The following ACSS1 variants were observed in gnomAD, a reference collection of about 807,000 sequenced individuals.
ACSS1 encodes the protein acyl-CoA synthetase short chain family member 1.
ACSS1 carries 42 observed loss-of-function variants against 75.3 expected under a neutral mutation model. The ratio of observed to expected loss-of-function variants is 0.56; its 90% confidence interval spans 0.44 to 0.72. The LOEUF is 0.72. ACSS1 is among the 30% of genes least tolerant of loss of function. The probability of loss-of-function intolerance (pLI) is 0.00; values close to 1 mark genes in which losing one functional copy is unlikely to be tolerated. For missense variants in ACSS1, 782 were observed against 935.7 expected, an observed-to-expected ratio of 0.84 and a Z score of 2.14; for synonymous variants, 380 against 376.8, an observed-to-expected ratio of 1.01 and a Z score of -0.10.
At chr20:25,034,427 C>G (rs1302888216) in intron 2 of ACSS1, among the ~76,000 whole-genome samples, 1 of 152,138 alleles carries the variant, frequency 6.6e-6, no homozygotes, top group African/African-American at 2.4e-5. Context: ...AGCTTTTCCT[C>G]CCCAGGTTCT....
At chr20:25,041,646 T>C (rs1165589564) in intron 2 of ACSS1, among the ~76,000 whole-genome samples, 1 of 152,062 alleles carries the variant, frequency 6.6e-6, no homozygotes, top group Admixed American at 6.5e-5. Context: ...CCAGAAACCA[T>C]ACAAAATGTT....
At chr20:25,041,059 C>T (rs1471208951) in intron 2 of ACSS1, among the ~76,000 whole-genome samples, 1 of 152,090 alleles carries the variant, frequency 6.6e-6, no homozygotes, top group Non-Finnish European at 1.5e-5. Context: ...GAGATTGAGA[C>T]CATCCTGGCT....
At chr20:25,056,665 G>C (rs1196992666) in intron 1 of ACSS1, among the ~76,000 whole-genome samples, 2 of 152,192 alleles carry the variant, frequency 1.3e-5, no homozygotes, top group African/African-American at 2.4e-5. Context: ...TGAGGGCTGG[G>C]GGGGCAGAAC....
chr20:25,021,120 C>T (rs753427879), intron 6 of ACSS1, among the ~76,000 whole-genome samples: 37 of 152,174 alleles, frequency 2.4e-4, no homozygotes, highest in Admixed American at 1.3e-3. Flanking sequence ...GGCCTGAGGC[C>T]GGCAGTTTAA....
At chr20:25,048,280 C>T in intron 1 of ACSS1, 99 bp from the exon 2 acceptor site, 1 of 939,320 alleles carries the variant, frequency 1.1e-6, no homozygotes, top group Non-Finnish European at 1.6e-6. Context: ...TGCTGTGGCT[C>T]TCTCTTCTTC....
In ACSS1 at chr20:25,006,658, G is replaced by A. The variant is rs528552994; in HGVS notation, c.*1104C>T. 1.8e-5 allele frequency: 13 copies of A among 734,254 alleles called. No homozygotes were observed. In the African/African-American group the frequency reaches 2.1e-4, roughly 12 times the overall value. 45.5% of individuals were successfully genotyped at this position (734,254 alleles called of 1,614,324 possible). On this transcript the variant is annotated 3_prime_UTR_variant, in exon 14 of 14. Transcript: ENST00000323482. ...CTTCCCCTGCCAACCGCCAGCCCCT[G>A]CATGCCTAGCAGGGAGGTAAGCACC...
chr20:25,055,592 A>G (rs1265376398), intron 1 of ACSS1, among the ~76,000 whole-genome samples: 1 of 152,220 alleles, frequency 6.6e-6, no homozygotes, highest in Non-Finnish European at 1.5e-5. Context: ...TTATAAACAC[A>G]GGTGTCAGGT....
At chr20:25,038,999 C>T (rs1600338418) in intron 2 of ACSS1, among the ~76,000 whole-genome samples, 1 of 152,308 alleles carries the variant, frequency 6.6e-6, no homozygotes, top group Non-Finnish European at 1.5e-5. Context: ...CCTCCCCTGC[C>T]CCTCCTCCCA....
intron 2 of ACSS1, among the ~76,000 whole-genome samples, chr20:25,036,530 AT>A (rs1435317538): frequency 2.7e-5 from 4 of 150,866 alleles, no homozygotes; most frequent in Non-Finnish European, 5.9e-5. Context: ...ACTGGTATTT[AT>A]TTTTTCATCT....
chr20:25,026,376 C>G (rs576532554), intron 3 of ACSS1, among the ~76,000 whole-genome samples: 3 of 152,336 alleles, frequency 2.0e-5, no homozygotes, highest in Non-Finnish European at 4.4e-5. Flanking sequence ...CTGTGCCAGC[C>G]TGGACTGTAG....
At chr20:25,031,088 G>C in intron 2 of ACSS1, 130 bp from the exon 3 acceptor site, 1 of 906,506 alleles carries the variant, frequency 1.1e-6, no homozygotes, top group East Asian at 2.6e-5. Flanking sequence ...ACAGGCACTT[G>C]AATACTTAAT....
chr20:25,033,697 C>T (rs765055331), intron 2 of ACSS1, among the ~76,000 whole-genome samples: 5 of 152,194 alleles, frequency 3.3e-5, no homozygotes, highest in Admixed American at 6.5e-5. Context: ...AGCACAGCTC[C>T]GATGAGGAAA....
intron 7 of ACSS1, 68 bp from the exon 8 acceptor site, chr20:25,015,298 T>G (rs1273713526): frequency 7.6e-7 from 1 of 1,315,852 alleles, no homozygotes; most frequent in African/African-American, 1.5e-5. Context: ...AGGGAAGTTT[T>G]GTTTTTTGTT....
Position 25,009,317 on chromosome 20 carries a change from T to C in ACSS1, c.1843A>G (p.Met615Val), listed in dbSNP as rs139054129. The C allele has an allele frequency of 3.7e-6, 6 of 1,614,114 alleles. No individual in the cohort carries two copies. In the African/African-American group the frequency reaches 8.0e-5, roughly 22 times the overall value. The change falls in exon 13 of 14, where the codon ATG becomes GTG. Residue 615 changes from methionine (M) to valine (V), a missense_variant. By Grantham distance (21) the Met-to-Val change is conservative. Coordinates refer to ENST00000323482, the MANE Select transcript of ACSS1 (RefSeq NM_032501.4). ...TATTTGGCGATCTTGGTGGCCACCA[T>C]GGACTTGAGCTCCTGCACCACCACA... ...SDVVVQELKS[M>V]VATKIAKYAV...
chr20:25,026,226 C>A (rs2088715069), intron 3 of ACSS1, among the ~76,000 whole-genome samples: 1 of 152,210 alleles, frequency 6.6e-6, no homozygotes, highest in Non-Finnish European at 1.5e-5. Flanking sequence ...ATACACCCAC[C>A]TCCCAGTGGC....
chr20:25,019,577 G>C (rs1159476379), intron 7 of ACSS1, among the ~76,000 whole-genome samples: 1 of 152,148 alleles, frequency 6.6e-6, no homozygotes, highest in African/African-American at 2.4e-5. Context: ...GGAGCGCAGT[G>C]GTGCAATCCT....
intron 2 of ACSS1, among the ~76,000 whole-genome samples, chr20:25,036,393 G>A (rs549853559): frequency 6.6e-6 from 1 of 152,236 alleles, no homozygotes; most frequent in East Asian, 1.9e-4. Flanking sequence ...TGACCAACAC[G>A]ATAACTGCCT....
At position 25,058,033 on chromosome 20, in the gene ACSS1, G is replaced by T; in HGVS notation, c.70C>A (p.Pro24Thr). ...LGSLRGLSGQPARPPCGVSAP... is the reference protein window; with the variant it reads ...LGSLRGLSGQTARPPCGVSAP... ...CTCACCCCGCACGGCGGCCGCGCGGGCTGCCCCGAGAGCCCTCGCAGGCTG... is the reference window on the plus strand; with the variant it reads ...CTCACCCCGCACGGCGGCCGCGCGGTCTGCCCCGAGAGCCCTCGCAGGCTG... Residue 24 changes from proline to threonine, a missense_variant, in exon 1 of 14, where the codon CCC becomes ACC. By Grantham distance (38) the Pro-to-Thr change is conservative. Around this residue, in one of 2 missense-constraint regions of ACSS1, gnomAD observed 377 missense variants for 383.1 expected, o/e 0.98. Coordinates refer to ENST00000323482, the MANE Select transcript of ACSS1 (RefSeq NM_032501.4). 1.5e-6 allele frequency: 2 copies of T among 1,372,870 alleles called. No individual in the cohort carries two copies. The highest frequency in any genetic ancestry group is 1.9e-6 in the Non-Finnish European group (2 of 1,071,054). The allele number at this position is 1,372,870 out of a possible 1,614,324, so 85.0% of individuals were successfully genotyped here.
intron 8 of ACSS1, among the ~76,000 whole-genome samples, 196 bp from the exon 9 acceptor site, chr20:25,014,269 A>C (rs1391759409): frequency 6.6e-6 from 1 of 152,168 alleles, no homozygotes; most frequent in Non-Finnish European, 1.5e-5. Context: ...CAGTGGCCTC[A>C]GCCCCAGGAG....
Sources: gnomAD v4.1 joint callset for allele counts (sites outside exome capture counted in the v4.1 genomes callset) on GRCh38, gnomAD v4.1.1 for gene constraint, gnomAD v4.1.1 regional missense constraint, MANE v1.5 for transcripts, NCBI Gene and HGNC (gene_info 2026-07-23, HGNC 2026-07-21) for gene names.